SDK2: variants seen among roughly 807,000 people sequenced by gnomAD.
SDK2 encodes the protein protein sidekick-2.
A neutral mutation model predicts 253.9 loss-of-function variants in SDK2; 105 were observed. The observed-to-expected ratio is 0.41, with a 90% confidence interval of 0.35 to 0.49. SDK2 has a LOEUF of 0.49. Among genes scored for constraint, SDK2 ranks in the 20% least tolerant of loss-of-function variants. The pLI is 0.06. For synonymous variants in SDK2, 1,249 were observed against 1,234.9 expected, an observed-to-expected ratio of 1.01 and a Z score of -0.24; for missense variants, 2,608 against 3,003.0, an observed-to-expected ratio of 0.87 and a Z score of 3.07.
intron 2 of SDK2, among the ~76,000 whole-genome samples, chr17:73,480,763 G>C (rs758052499): frequency 6.6e-6 from 1 of 152,090 alleles, no homozygotes; most frequent in Non-Finnish European, 1.5e-5. Context: ...AGAGAGACAG[G>C]GGACAGAGAC....
intron 1 of SDK2, among the ~76,000 whole-genome samples, chr17:73,632,395 G>A (rs1755774541): frequency 6.6e-6 from 1 of 152,228 alleles, no homozygotes; most frequent in South Asian, 2.1e-4. Flanking sequence ...CTCCCCGTGT[G>A]AGAGGTTTCC....
Position 73,352,803 on chromosome 17 carries a change from A to G in SDK2, c.5594-166T>C, listed in dbSNP as rs550896423. ...TCCCTTGAAGTTTCTTAAAAAGACA[A>G]CTTTCGGGCCAAGCACGGTGGCTCA... On this transcript the variant is annotated intron_variant, in intron 40 of 44. Coordinates refer to ENST00000392650, the MANE Select transcript of SDK2 (RefSeq NM_001144952.2). The surrounding 1 kb of genome is among the most constrained non-coding windows in gnomAD (Gnocchi z 4.1). 2.0e-5 allele frequency among the ~76,000 whole-genome samples: 3 copies of G among 152,254 alleles called. No homozygotes were observed. Among genetic ancestry groups the G allele is most frequent in the East Asian group, 1.9e-4 (1 of 5,170 alleles).
chr17:73,347,010 C>G (rs529269144), intron 44 of SDK2, among the ~76,000 whole-genome samples: 1 of 152,162 alleles, frequency 6.6e-6, no homozygotes, highest in Non-Finnish European at 1.5e-5. Flanking sequence ...GATTGGTAGC[C>G]GAGCTGCTTC....
intron 16 of SDK2, among the ~76,000 whole-genome samples, chr17:73,416,337 A>G (rs2063182386): frequency 6.7e-6 from 1 of 150,058 alleles, no homozygotes; most frequent in Non-Finnish European, 1.5e-5. Flanking sequence ...AGCTGGGATT[A>G]CAGGCATGTG....
Position 73,643,957 on chromosome 17 carries a change from T to TCCCCC in SDK2, c.64+67_64+68insGGGGG. On this transcript the variant is annotated intron_variant, in intron 1 of 44. Coordinates refer to ENST00000392650, the MANE Select transcript of SDK2 (RefSeq NM_001144952.2). This position sits in a 1 kb window ranked among gnomAD's most constrained non-coding sequence, Gnocchi z 6.9. ...GGAGGTCACCGTGAGGCCGGCCAGCTCCCGCCGCCCCTCCCCCGCCCACTC... is the reference window on the plus strand; with the variant it reads ...GGAGGTCACCGTGAGGCCGGCCAGCTCCCCCCCCGCCGCCCCTCCCCCGCCCACTC... 2.9e-6 allele frequency: 3 copies of TCCCCC among 1,019,996 alleles called. No individual in the cohort carries two copies. The highest frequency in any genetic ancestry group is 3.0e-6 in the Non-Finnish European group (2 of 674,882). 63.2% of individuals were successfully genotyped at this position (1,019,996 alleles called of 1,614,324 possible).
At chr17:73,385,663 G>A (rs973604673) in intron 32 of SDK2, among the ~76,000 whole-genome samples, 184 bp downstream of exon 32, 2 of 152,172 alleles carry the variant, frequency 1.3e-5, no homozygotes, top group Non-Finnish European at 2.9e-5. Context: ...GTGTATGTGT[G>A]GGCACACGGT....
At chr17:73,494,329 A>T (rs1223962213) in intron 2 of SDK2, among the ~76,000 whole-genome samples, 1 of 152,048 alleles carries the variant, frequency 6.6e-6, no homozygotes, top group Non-Finnish European at 1.5e-5. Context: ...CCTGGATGCC[A>T]GCTGAGGTGT....
chr17:73,494,491 C>T (rs533791500), intron 2 of SDK2, among the ~76,000 whole-genome samples: 1 of 152,296 alleles, frequency 6.6e-6, no homozygotes, highest in African/African-American at 2.4e-5. Context: ...AGCCAGGACC[C>T]GTTACGGAGA....
chr17:73,533,162 C>A (rs2064183635), intron 1 of SDK2, among the ~76,000 whole-genome samples: 1 of 152,300 alleles, frequency 6.6e-6, no homozygotes, highest in East Asian at 1.9e-4. Flanking sequence ...CCAGAGAGGT[C>A]CCCTCATCGG....
At position 73,534,103 on chromosome 17, in the gene SDK2, C is replaced by T. The variant is rs952804790; in HGVS notation, c.65-26506G>A. Among the ~76,000 whole-genome samples, 5 of 152,156 alleles carry T rather than the reference C, an allele frequency of 3.3e-5. No homozygotes were observed. The highest frequency in any genetic ancestry group is 1.3e-4 in the Admixed American group (2 of 15,286). On this transcript the variant is annotated intron_variant, in intron 1 of 44. Transcript: ENST00000392650. This position sits in a 1 kb window ranked among gnomAD's most constrained non-coding sequence, Gnocchi z 4.9. ...TCCCCTCCTCTTCCTCCTCCTCCTT[C>T]CCACTCTCCTTCCAATAAGCCCCTA...
intron 1 of SDK2, among the ~76,000 whole-genome samples, chr17:73,560,730 T>C (rs2045220368): frequency 1.3e-5 from 2 of 152,098 alleles, no homozygotes; most frequent in African/African-American, 4.8e-5. Context: ...AACTTCAAAA[T>C]CCAAGCACCC....
At chr17:73,620,951 T>C (rs940415771) in intron 1 of SDK2, among the ~76,000 whole-genome samples, 1 of 152,218 alleles carries the variant, frequency 6.6e-6, no homozygotes, top group African/African-American at 2.4e-5. Context: ...TTGCACAATA[T>C]TGTGAATGTA....
chr17:73,643,961 G>GCCCCCCC lies in SDK2; in HGVS notation c.64+63_64+64insGGGGGGG. The GCCCCCCC allele has an allele frequency of 1.9e-6, 1 of 514,830 alleles. No individual in the cohort carries two copies. 31.9% of individuals were successfully genotyped at this position (514,830 alleles called of 1,614,324 possible). ...GTCACCGTGAGGCCGGCCAGCTCCC[G>GCCCCCCC]CCGCCCCTCCCCCGCCCACTCTCCC... On this transcript the variant is annotated intron_variant, in intron 1 of 44. Coordinates refer to ENST00000392650, the MANE Select transcript of SDK2 (RefSeq NM_001144952.2). This position sits in a 1 kb window ranked among gnomAD's most constrained non-coding sequence, Gnocchi z 6.9.
rs1457138007 is a variant in SDK2 at position 73,395,565 on chromosome 17, CTG to C, written c.3355-175_3355-174del. 6.6e-6 allele frequency among the ~76,000 whole-genome samples: 1 copy of C among 152,206 alleles called. No homozygotes were observed. Among genetic ancestry groups the C allele is most frequent in the African/African-American group, 2.4e-5 (1 of 41,448 alleles). ...CCCGAGTGTGGCTTAGGTTGTGTGACTGTGTTTCTGATGGGCTCTTATCTTCC... is the reference window on the plus strand; with the variant it reads ...CCCGAGTGTGGCTTAGGTTGTGTGACTGTTTCTGATGGGCTCTTATCTTCC... On this transcript the variant is annotated intron_variant, in intron 24 of 44. Coordinates refer to ENST00000392650, the MANE Select transcript of SDK2 (RefSeq NM_001144952.2). This position sits in a 1 kb window ranked among gnomAD's most constrained non-coding sequence, Gnocchi z 4.3.
chr17:73,381,523 T>C (rs2062830231), intron 33 of SDK2, among the ~76,000 whole-genome samples: 1 of 152,076 alleles, frequency 6.6e-6, no homozygotes, highest in Non-Finnish European at 1.5e-5. Flanking sequence ...CATTTTGTTG[T>C]CTGCTAACTC....
chr17:73,605,767 G>A (rs932726874), intron 1 of SDK2, among the ~76,000 whole-genome samples: 1 of 152,122 alleles, frequency 6.6e-6, no homozygotes, highest in East Asian at 1.9e-4. Context: ...CCAAGAGATC[G>A]GATGCACGTA....
rs1024591849 is a variant in SDK2, at chr17:73,582,474, G to A, written c.64+61551C>T. Among the ~76,000 whole-genome samples the A allele has an allele frequency of 1.5e-4, 23 of 152,226 alleles. 1 individual carries two copies. The highest frequency in any genetic ancestry group is 5.3e-4 in the African/African-American group (22 of 41,450). Reference sequence around the variant, plus strand: ...TGGCAACAGCTGGTGCTGACTCTCAGAGCCTGTGGCTGTGACAATTATCAA... The same window carrying A: ...TGGCAACAGCTGGTGCTGACTCTCAAAGCCTGTGGCTGTGACAATTATCAA... On this transcript the variant is annotated intron_variant, in intron 1 of 44. Coordinates refer to ENST00000392650, the MANE Select transcript of SDK2 (RefSeq NM_001144952.2).
intron 1 of SDK2, among the ~76,000 whole-genome samples, chr17:73,560,635 T>G (rs2045218990): frequency 6.6e-6 from 1 of 152,250 alleles, no homozygotes; most frequent in Non-Finnish European, 1.5e-5. Flanking sequence ...CCACCTCGCC[T>G]GGCCTCATTA....
At chr17:73,407,523 C>T (rs146882705) in intron 18 of SDK2, among the ~76,000 whole-genome samples, 346 of 152,234 alleles carry the variant, frequency 2.3e-3, no homozygotes, top group African/African-American at 7.8e-3. Context: ...AACAGAAAGA[C>T]GTCCCCCTCC....
Sources: allele counts gnomAD v4.1 joint callset (sites outside exome capture counted in the v4.1 genomes callset), GRCh38; gene constraint gnomAD v4.1.1; non-coding constraint Gnocchi (gnomAD v3.1); transcripts MANE v1.5; gene names NCBI Gene and HGNC (gene_info 2026-07-23, HGNC 2026-07-21).